The following ERCC3 variants were observed in gnomAD, a reference collection of about 807,000 sequenced individuals.
ERCC3 encodes the protein ERCC excision repair 3, TFIIH core complex helicase subunit.
Under a neutral mutation model 94.2 loss-of-function variants are expected in ERCC3, and 66 were observed. The observed-to-expected ratio is 0.70, with a 90% CI of 0.57 to 0.86. ERCC3 has a LOEUF of 0.86. Ranked by LOEUF, ERCC3 falls within the 40% of genes least tolerant of loss-of-function variation. The probability of loss-of-function intolerance (pLI) is 0.00; values close to 1 mark genes in which losing one functional copy is unlikely to be tolerated. For synonymous variants in ERCC3, 349 were observed against 369.1 expected (o/e 0.95, Z 0.63); for missense variants, 829 against 987.1 (o/e 0.84, Z 2.15).
chr2:127,257,792 T>A lies in ERCC3; in HGVS notation c.2218-65A>T. The A allele has an allele frequency of 6.4e-7, 1 of 1,554,790 alleles. No individual in the cohort carries two copies. The highest frequency in any genetic ancestry group is 8.9e-7 in the Non-Finnish European group (1 of 1,128,456). ...AGAAAAGATACTCCTTTTATAATAC[T>A]TATAATCACAGCAAATTTTATAAGA... On this transcript the variant is annotated intron_variant, in intron 14 of 14. Transcript: ENST00000285398. The surrounding 1 kb of genome is among the most constrained non-coding windows in gnomAD (Gnocchi z 5.4).
intron 13 of ERCC3, chr2:127,260,940 C>G (rs1040451867): frequency 4.6e-6 from 2 of 435,752 alleles, no homozygotes; most frequent in African/African-American, 4.0e-5. Context: ...AAAGGAAGAG[C>G]TCTCCTAGCT....
chr2:127,284,687 AT>A lies in ERCC3; in HGVS notation c.1342+2015del, dbSNP rs533600271. On this transcript the variant is annotated intron_variant, in intron 8 of 14. Coordinates refer to ENST00000285398, the MANE Select transcript of ERCC3 (RefSeq NM_000122.2). This position sits in a 1 kb window ranked among gnomAD's most constrained non-coding sequence, Gnocchi z 4.1. ...AATTTACCCTAATCTGTTCATCTTTATTTTTTTTTTTTGAGACAGAGTCTCA... is the reference window on the plus strand; with the variant it reads ...AATTTACCCTAATCTGTTCATCTTTATTTTTTTTTTTGAGACAGAGTCTCA... Among the ~76,000 whole-genome samples, 119 of 145,468 alleles carry A rather than the reference AT, an allele frequency of 8.2e-4. No homozygotes were observed. The highest frequency in any genetic ancestry group is 4.6e-3 in the South Asian group (21 of 4,566).
chr2:127,293,481 C>G, intron 2 of ERCC3, 32 bp downstream of exon 2: 6 of 1,600,022 alleles, frequency 3.7e-6, no homozygotes, highest in Non-Finnish European at 5.1e-6. Flanking sequence ...CCGCACACTC[C>G]TGGGCCCTGC....
Position 127,277,411 on chromosome 2 carries a change from G to A in ERCC3, c.1730+1762C>T, listed in dbSNP as rs1448739595. On this transcript the variant is annotated intron_variant, in intron 10 of 14. Transcript: ENST00000285398. The surrounding 1 kb of genome is among the most constrained non-coding windows in gnomAD (Gnocchi z 5.1). Reference sequence around the variant, plus strand: ...ACATTTACAAAAAAGAAAATGTAAGGCCGGGCATGGTGGCTCACACCTGTA... The same window carrying A: ...ACATTTACAAAAAAGAAAATGTAAGACCGGGCATGGTGGCTCACACCTGTA... Among the ~76,000 whole-genome samples, 1 of 152,124 alleles carries A rather than the reference G, an allele frequency of 6.6e-6. No homozygotes were observed. The highest frequency in any genetic ancestry group is 1.9e-4 in the East Asian group (1 of 5,202).
Position 127,286,714 on chromosome 2 carries a change from T to C in ERCC3, c.1331A>G (p.His444Arg), listed in dbSNP as rs750263561. Residue 444 changes from histidine (H) to arginine (R), a missense_variant, in exon 8 of 15, where the codon CAC becomes CGC. Coordinates refer to ENST00000285398, the MANE Select transcript of ERCC3 (RefSeq NM_000122.2). ...EWGLMILDEV[H>R]TIPAKMFRRV... ...TCCAGCCTGCTTACCTGGTATGGTG[T>C]GCACTTCATCCAGGATCATGAGGCC... 1 of 1,613,956 alleles carries C rather than the reference T, an allele frequency of 6.2e-7. No homozygotes were observed. Among genetic ancestry groups the C allele is most frequent in the East Asian group, 2.2e-5 (1 of 44,870 alleles).
intron 4 of ERCC3, 133 bp downstream of exon 4, chr2:127,290,088 CTCT>C: frequency 1.2e-6 from 1 of 840,312 alleles, no homozygotes; most frequent in South Asian, 1.4e-5. Context: ...TGGGCCACAT[CTCT>C]TGTTTCTCTT....
At chr2:127,286,578 C>A (rs1254078045) in intron 8 of ERCC3, 125 bp downstream of exon 8, 7 of 903,850 alleles carry the variant, frequency 7.7e-6, no homozygotes, top group Admixed American at 1.8e-5. Flanking sequence ...AAAAGCTTTA[C>A]CCAGCAAGCC....
chr2:127,286,545 C>CAAA (rs111463049), intron 8 of ERCC3, among the ~76,000 whole-genome samples, 158 bp downstream of exon 8: 1 of 125,794 alleles, frequency 7.9e-6, no homozygotes. Flanking sequence ...GACTCCCTCT[C>CAAA]AAAAAAAAAA....
chr2:127,280,645 G>A lies in ERCC3; in HGVS notation c.1343-14C>T. ...GGAACATCTTGGCTGAGGAAACAAT[G>A]GGAGCATTCACACTGTCACTTTTCT... is the stretch of plus-strand genomic sequence containing the variant. On this transcript the variant is annotated splice_polypyrimidine_tract_variant and intron_variant, in intron 8 of 14. Transcript: ENST00000285398. This position sits in a 1 kb window ranked among gnomAD's most constrained non-coding sequence, Gnocchi z 6.3. 1.9e-6 allele frequency: 3 copies of A among 1,610,614 alleles called. No homozygotes were observed. Among genetic ancestry groups the A allele is most frequent in the South Asian group, 2.2e-5 (2 of 91,018 alleles).
intron 1 of ERCC3, 80 bp downstream of exon 1, chr2:127,293,974 C>T (rs576954711): frequency 4.0e-5 from 62 of 1,566,884 alleles, no homozygotes; most frequent in Non-Finnish European, 5.2e-5. Flanking sequence ...GGCGCAGAGG[C>T]CCGGAGCAGC....
chr2:127,257,455 G>T lies in ERCC3; in HGVS notation c.*141C>A. Reference sequence around the variant, plus strand: ...AGATGACCTATGAAGGCACAGCCAAGCCCTTGATGCATCTTCCTCAGCACA... The same window carrying T: ...AGATGACCTATGAAGGCACAGCCAATCCCTTGATGCATCTTCCTCAGCACA... On this transcript the variant is annotated 3_prime_UTR_variant, in exon 15 of 15. Transcript: ENST00000285398. The surrounding 1 kb of genome is among the most constrained non-coding windows in gnomAD (Gnocchi z 5.4). The T allele has an allele frequency of 1.9e-6, 2 of 1,035,044 alleles. No homozygotes were observed. Among genetic ancestry groups the T allele is most frequent in the Non-Finnish European group, 1.5e-6 (1 of 654,668 alleles). The allele number at this position is 1,035,044 out of a possible 1,614,324, so 64.1% of individuals were successfully genotyped here.
intron 12 of ERCC3, among the ~76,000 whole-genome samples, chr2:127,269,000 T>A (rs1217997757): frequency 6.6e-6 from 1 of 152,168 alleles, no homozygotes; most frequent in Non-Finnish European, 1.5e-5. Context: ...GGCTACTAAG[T>A]GACTAATGGG....
chr2:127,286,917 G>A lies in ERCC3; in HGVS notation c.1128C>T (p.Ala376=). The change falls in exon 8 of 15, where the codon GCC becomes GCT. Residue 376 remains alanine (A), a synonymous_variant. Transcript: ENST00000285398. ...CAATGGTGGACCACATCTTGAACTG[G>A]GCTTTCCACTGCTCCACAGAAACAG... ...NSAVSVEQWK[A]QFKMWSTIDD... 1.2e-6 allele frequency: 2 copies of A among 1,614,156 alleles called. No individual in the cohort carries two copies. The highest frequency in any genetic ancestry group is 1.7e-6 in the Non-Finnish European group (2 of 1,180,006).
rs1176300592 is a variant in ERCC3 at position 127,279,629 on chromosome 2, G to C, written c.1528-254C>G. On this transcript the variant is annotated intron_variant, in intron 9 of 14. Transcript: ENST00000285398. This position sits in a 1 kb window ranked among gnomAD's most constrained non-coding sequence, Gnocchi z 4.7. ...ATACAAAAATTAGCTGGGTGTGGTAGTGCATGTCTGTAATTCCAGCTACGC... is the reference window on the plus strand; with the variant it reads ...ATACAAAAATTAGCTGGGTGTGGTACTGCATGTCTGTAATTCCAGCTACGC... 2.0e-5 allele frequency among the ~76,000 whole-genome samples: 3 copies of C among 152,138 alleles called. No homozygotes were observed. The highest frequency in any genetic ancestry group is 4.4e-5 in the Non-Finnish European group (3 of 68,036).
In ERCC3 at chr2:127,257,640, G is replaced by T. The variant is rs769509766; in HGVS notation, c.2305C>A (p.Pro769Thr). The T allele has an allele frequency of 7.4e-6, 12 of 1,614,152 alleles. No individual in the cohort carries two copies. The Admixed American group carries it at 2.0e-4, about 27-fold the overall frequency. The change falls in exon 15 of 15, where the codon CCC becomes ACC. Residue 769 changes from proline to threonine, a missense_variant. Physicochemically the swap from Pro to Thr is conservative, Grantham distance 38 (BLOSUM62 -1). Transcript: ENST00000285398. The surrounding 1 kb of genome is among the most constrained non-coding windows in gnomAD (Gnocchi z 5.4). The stretch of plus-strand genomic sequence containing the variant: ...AAGAGCGGGTGTACATGTTTGCTGG[G>T]CGCCTTGCTCCGCGATGAGTGGTAC... ...MEYHSSRSKA[P>T]SKHVHPLFKR...
chr2:127,285,418 A>T lies in ERCC3; in HGVS notation c.1342+1285T>A, dbSNP rs574042464. Among the ~76,000 whole-genome samples the T allele has an allele frequency of 3.0e-4, 46 of 152,292 alleles. No individual in the cohort carries two copies. In the South Asian group the frequency reaches 6.8e-3, roughly 23 times the overall value. On this transcript the variant is annotated intron_variant, in intron 8 of 14. Coordinates refer to ENST00000285398, the MANE Select transcript of ERCC3 (RefSeq NM_000122.2). Reference sequence around the variant, plus strand: ...CTACTAAAAATACAAAAATTTGGCCAGGTGTGGTACTTTACGCCTGTAATC... The same window carrying T: ...CTACTAAAAATACAAAAATTTGGCCTGGTGTGGTACTTTACGCCTGTAATC...
intron 2 of ERCC3, 81 bp from the exon 3 acceptor site, chr2:127,292,927 A>G: frequency 1.1e-6 from 1 of 882,820 alleles, no homozygotes. Context: ...ATCATTATCA[A>G]GAAAGAATAA....
chr2:127,283,869 A>C (rs552859855), intron 8 of ERCC3, among the ~76,000 whole-genome samples: 2 of 152,098 alleles, frequency 1.3e-5, no homozygotes, highest in East Asian at 3.9e-4. Context: ...TTTTTTGGTG[A>C]AATGTCTATC....
At chr2:127,262,119 G>A (rs2104733307) in intron 12 of ERCC3, 1 of 152,554 alleles carries the variant, frequency 6.6e-6, no homozygotes, top group East Asian at 1.9e-4. Flanking sequence ...AATGTGGTAT[G>A]TCCATGGAAT....
Sources: gnomAD v4.1 joint callset for allele counts (sites outside exome capture counted in the v4.1 genomes callset) on GRCh38, gnomAD v4.1.1 for gene constraint, Gnocchi (gnomAD v3.1) non-coding constraint, MANE v1.5 for transcripts, NCBI Gene and HGNC (gene_info 2026-07-23, HGNC 2026-07-21) for gene names.